The following KCNQ1 variants were observed in gnomAD, a reference collection of about 807,000 sequenced individuals.
The protein encoded by KCNQ1 is potassium voltage-gated channel subfamily Q member 1.
Under a neutral mutation model 72.4 loss-of-function variants are expected in KCNQ1, and 49 were observed. The observed-to-expected ratio is 0.68, with a 90% confidence interval of 0.54 to 0.86. KCNQ1 has a LOEUF of 0.86. Ranked by LOEUF, KCNQ1 falls within the 40% of genes least tolerant of loss-of-function variation. KCNQ1 has a pLI of 0.00. For synonymous variants in KCNQ1, 450 were observed against 412.6 expected (o/e 1.09, Z -1.10); for missense variants, 790 against 945.1 (o/e 0.84, Z 2.15).
rs1442001243 is a variant in KCNQ1 at position 2,463,826 on chromosome 11, C to T, written c.386+18342C>T. ...AGCCGGATGGCCCGGCCCCCGCTAC[C>T]ACGTGGAGGCTCCCTGTAGGTGCTT... On this transcript the variant is annotated intron_variant, in intron 1 of 15. Transcript: ENST00000155840. The surrounding 1 kb of genome is among the most constrained non-coding windows in gnomAD (Gnocchi z 7.0). Among the ~76,000 whole-genome samples the T allele has an allele frequency of 2.0e-5, 3 of 152,224 alleles. No individual in the cohort carries two copies. Among genetic ancestry groups the T allele is most frequent in the African/African-American group, 7.2e-5 (3 of 41,458 alleles).
In KCNQ1 at chr11:2,735,074, C is replaced by CG. The variant is rs1564875988; in HGVS notation, c.1515-33770_1515-33769insG. The stretch of plus-strand genomic sequence containing the variant: ...CCAGGGAAGCCCTGCCTTGTCATCA[C>CG]CTGTGCCGTGGCTGTCAGCGCGCAT... On this transcript the variant is annotated intron_variant, in intron 11 of 15. Transcript: ENST00000155840. This position sits in a 1 kb window ranked among gnomAD's most constrained non-coding sequence, Gnocchi z 7.7. Among the ~76,000 whole-genome samples, 1 of 152,154 alleles carries CG rather than the reference C, an allele frequency of 6.6e-6. No individual in the cohort carries two copies.
intron 2 of KCNQ1, among the ~76,000 whole-genome samples, chr11:2,568,819 C>T (rs930651469): frequency 6.6e-6 from 1 of 152,066 alleles, no homozygotes; most frequent in African/African-American, 2.4e-5. Context: ...GGACCCACAC[C>T]CCCCCCATGA....
At chr11:2,822,046 C>T (rs1040939162) in intron 15 of KCNQ1, among the ~76,000 whole-genome samples, 2 of 152,118 alleles carry the variant, frequency 1.3e-5, no homozygotes, top group East Asian at 1.9e-4. Context: ...GGTCAGTCAG[C>T]GGAGAAGACA....
chr11:2,711,604 C>A lies in KCNQ1; in HGVS notation c.1514+49523C>A, dbSNP rs907883548. On this transcript the variant is annotated intron_variant, in intron 11 of 15. Transcript: ENST00000155840. The surrounding 1 kb of genome is among the most constrained non-coding windows in gnomAD (Gnocchi z 5.4). ...TCCCACCAACCTCTGTACCCCACGGCCATGCACAAGGCACAGGGTCCCACA... is the reference window on the plus strand; with the variant it reads ...TCCCACCAACCTCTGTACCCCACGGACATGCACAAGGCACAGGGTCCCACA... 2.0e-5 allele frequency among the ~76,000 whole-genome samples: 3 copies of A among 152,140 alleles called. No individual in the cohort carries two copies. In the East Asian group the frequency reaches 5.8e-4, roughly 29 times the overall value.
At chr11:2,755,611 AAT>A (rs1446228209) in intron 11 of KCNQ1, among the ~76,000 whole-genome samples, 2 of 152,238 alleles carry the variant, frequency 1.3e-5, no homozygotes, top group African/African-American at 4.8e-5. Context: ...TGGACAATTC[AAT>A]ATGATTTCCC....
intron 11 of KCNQ1, among the ~76,000 whole-genome samples, chr11:2,719,598 C>G (rs1259407742): frequency 6.6e-6 from 1 of 152,172 alleles, no homozygotes; most frequent in Non-Finnish European, 1.5e-5. Context: ...AGCTGAAAAC[C>G]CTCATTTGTT....
At chr11:2,522,785 G>A (rs560228316) in intron 1 of KCNQ1, among the ~76,000 whole-genome samples, 151 of 152,310 alleles carry the variant, frequency 9.9e-4, no homozygotes, top group African/African-American at 3.5e-3. Context: ...CCCAACCCCC[G>A]GGCCTGGAGC....
intron 2 of KCNQ1, among the ~76,000 whole-genome samples, chr11:2,551,282 C>T (rs1468369962): frequency 1.3e-5 from 2 of 152,210 alleles, no homozygotes; most frequent in African/African-American, 4.8e-5. Flanking sequence ...CCCCTCCCCG[C>T]ACCTGGGAAC....
chr11:2,575,109 C>A (rs1290310618), intron 6 of KCNQ1, among the ~76,000 whole-genome samples: 1 of 152,178 alleles, frequency 6.6e-6, no homozygotes, highest in Non-Finnish European at 1.5e-5. Context: ...TCGCTGCTGC[C>A]CTGCCTGCCT....
At position 2,463,601 on chromosome 11, in the gene KCNQ1, A is replaced by ACTGGGGCTGGGG. The variant is rs1421042500; in HGVS notation, c.386+18125_386+18136dup. ...CCTGGGCACCCTGCCTCTTCCGGGG[A>ACTGGGGCTGGGG]CTGGGGCTGGGGCTGGGGCAGCTGT... On this transcript the variant is annotated intron_variant, in intron 1 of 15. Transcript: ENST00000155840. This position sits in a 1 kb window ranked among gnomAD's most constrained non-coding sequence, Gnocchi z 7.0. 6.6e-6 allele frequency among the ~76,000 whole-genome samples: 1 copy of ACTGGGGCTGGGG among 151,976 alleles called. No homozygotes were observed. Among genetic ancestry groups the ACTGGGGCTGGGG allele is most frequent in the African/African-American group, 2.4e-5 (1 of 41,362 alleles).
intron 11 of KCNQ1, chr11:2,685,227 T>C (rs1850464937): frequency 2.5e-6 from 1 of 398,564 alleles, no homozygotes; most frequent in Non-Finnish European, 4.4e-6. Flanking sequence ...ACGGAGGCAC[T>C]ACTTCAGTCC....
intron 10 of KCNQ1, chr11:2,655,712 A>G: frequency 1.5e-5 from 1 of 66,960 alleles, no homozygotes; most frequent in Non-Finnish European, 2.8e-5. Flanking sequence ...ATGCTCTCCT[A>G]GATGCCTGAC....
At chr11:2,756,981 A>AAAAAAAAAAAAAAAAC (rs58902386) in intron 11 of KCNQ1, among the ~76,000 whole-genome samples, 1 of 115,220 alleles carries the variant, frequency 8.7e-6, no homozygotes, top group East Asian at 3.1e-4. Context: ...AAAAAAAAAA[A>AAAAAAAAAAAAAAAAC]CCCACAGCTA....
Position 2,559,087 on chromosome 11 carries a change from C to T in KCNQ1, c.478-11541C>T, listed in dbSNP as rs1207282658. Among the ~76,000 whole-genome samples the T allele has an allele frequency of 6.6e-6, 1 of 152,054 alleles. No individual in the cohort carries two copies. The highest frequency in any genetic ancestry group is 2.4e-5 in the African/African-American group (1 of 41,412). On this transcript the variant is annotated intron_variant, in intron 2 of 15. Transcript: ENST00000155840. The surrounding 1 kb of genome is among the most constrained non-coding windows in gnomAD (Gnocchi z 4.9). ...GGCAAGGTGGGGCTGGAGGCACCGG[C>T]TCAGCAAGAGGGGTCACTTGAGCCT...
At chr11:2,461,196 T>C (rs1846272109) in intron 1 of KCNQ1, among the ~76,000 whole-genome samples, 1 of 152,154 alleles carries the variant, frequency 6.6e-6, no homozygotes. Context: ...TCAGGTGTGA[T>C]CAGGTGTGTG....
At chr11:2,834,778 G>T (rs1848027719) in intron 15 of KCNQ1, among the ~76,000 whole-genome samples, 3 of 152,234 alleles carry the variant, frequency 2.0e-5, no homozygotes, top group South Asian at 4.1e-4. Context: ...GCCAAGCTGG[G>T]CCCAGAAGTG....
chr11:2,739,946 A>G (rs1397896742), intron 11 of KCNQ1, among the ~76,000 whole-genome samples: 18 of 152,216 alleles, frequency 1.2e-4, no homozygotes, highest in Admixed American at 1.2e-3. Flanking sequence ...CTGGGTGTGC[A>G]GGTGGGGTGG....
At chr11:2,594,454 A>G (rs1848708999) in intron 10 of KCNQ1, among the ~76,000 whole-genome samples, 1 of 152,148 alleles carries the variant, frequency 6.6e-6, no homozygotes, top group Non-Finnish European at 1.5e-5. Flanking sequence ...CTGAGGGTTT[A>G]TGTCTTTCAT....
chr11:2,736,736 C>CGCA (rs1845963997), intron 11 of KCNQ1, among the ~76,000 whole-genome samples: 1 of 152,238 alleles, frequency 6.6e-6, no homozygotes, highest in Admixed American at 6.5e-5. Flanking sequence ...ATTTCACCTG[C>CGCA]GCATCTGCAG....
Sources: allele counts gnomAD v4.1 joint callset (sites outside exome capture counted in the v4.1 genomes callset), GRCh38; gene constraint gnomAD v4.1.1; non-coding constraint Gnocchi (gnomAD v3.1); transcripts MANE v1.5; gene names NCBI Gene and HGNC (gene_info 2026-07-23, HGNC 2026-07-21).